The following KCNQ3 variants were observed in gnomAD, a reference collection of about 807,000 sequenced individuals.
KCNQ3 encodes potassium voltage-gated channel subfamily Q member 3, also known as potassium voltage-gated channel subfamily KQT member 3.
Under a neutral mutation model 92.5 loss-of-function variants are expected in KCNQ3, and 30 were observed. The observed-to-expected ratio is 0.32, with a 90% CI of 0.24 to 0.44. The LOEUF (loss-of-function observed/expected upper bound fraction) is 0.44, where lower values mean the gene tolerates loss of function less well. Among genes scored for constraint, KCNQ3 ranks in the 20% least tolerant of loss-of-function variants. The pLI is 1.00. For synonymous variants in KCNQ3, 450 were observed against 468.8 expected (o/e 0.96, Z 0.52); for missense variants, 913 against 1,140.3 (o/e 0.80, Z 2.87).
intron 1 of KCNQ3, among the ~76,000 whole-genome samples, chr8:132,238,724 A>C (rs1293514201): frequency 6.6e-6 from 1 of 152,184 alleles, no homozygotes; most frequent in African/African-American, 2.4e-5. Flanking sequence ...TACTCTAAGC[A>C]TGATGAATGA....
At chr8:132,258,483 T>C (rs1044420852) in intron 1 of KCNQ3, among the ~76,000 whole-genome samples, 2 of 151,790 alleles carry the variant, frequency 1.3e-5, no homozygotes, top group African/African-American at 4.8e-5. Flanking sequence ...GCACAACATA[T>C]CAAAACTTAT....
Position 132,172,706 on chromosome 8 carries a change from G to A in KCNQ3, c.1045-13C>T, listed in dbSNP as rs906229765. 6.3e-7 allele frequency: 1 copy of A among 1,595,280 alleles called. No homozygotes were observed. Among genetic ancestry groups the A allele is most frequent in the Non-Finnish European group, 8.6e-7 (1 of 1,164,552 alleles). On this transcript the variant is annotated splice_polypyrimidine_tract_variant and intron_variant, in intron 6 of 14. Coordinates refer to ENST00000388996, the MANE Select transcript of KCNQ3 (RefSeq NM_004519.4). ...ACCCCAGGATGCCCTGGAGGGAGAG[G>A]CAGGCAGGCAGTCAGCCCCCAGCTA...
At chr8:132,183,569 C>A (rs1228654743) in intron 3 of KCNQ3, among the ~76,000 whole-genome samples, 2 of 152,182 alleles carry the variant, frequency 1.3e-5, no homozygotes, top group African/African-American at 4.8e-5. Context: ...TTTTGTCCTG[C>A]AACTCCATGG....
chr8:132,254,266 A>AG lies in KCNQ3; in HGVS notation c.387-68086_387-68085insC, dbSNP rs370283856. On this transcript the variant is annotated intron_variant, in intron 1 of 14. Transcript: ENST00000388996. Reference sequence around the variant, plus strand: ...TTCTCCCTATAAACTGGTGATAGAGATAGATGTGCTCGACTTTACACAAAT... The same window carrying AG: ...TTCTCCCTATAAACTGGTGATAGAGAGTAGATGTGCTCGACTTTACACAAAT... Among the ~76,000 whole-genome samples the AG allele has an allele frequency of 4.9e-3, 744 of 152,334 alleles. 7 individuals carry two copies. Among genetic ancestry groups the AG allele is most frequent in the African/African-American group, 0.017 (720 of 41,578 alleles).
chr8:132,248,180 T>C (rs1815250064), intron 1 of KCNQ3, among the ~76,000 whole-genome samples: 1 of 152,254 alleles, frequency 6.6e-6, no homozygotes, highest in African/African-American at 2.4e-5. Context: ...CCTAGCTCTC[T>C]CTTGGGTTTC....
At chr8:132,208,459 G>A (rs1813738127) in intron 1 of KCNQ3, among the ~76,000 whole-genome samples, 1 of 152,056 alleles carries the variant, frequency 6.6e-6, no homozygotes, top group Non-Finnish European at 1.5e-5. Flanking sequence ...CTGGTGTTGT[G>A]AGCCACATCC....
intron 1 of KCNQ3, among the ~76,000 whole-genome samples, chr8:132,239,252 G>C (rs1479448084): frequency 6.6e-6 from 1 of 152,110 alleles, no homozygotes; most frequent in African/African-American, 2.4e-5. Flanking sequence ...AATTTGATTC[G>C]ATGGGCTGAT....
intron 1 of KCNQ3, among the ~76,000 whole-genome samples, chr8:132,203,112 C>T (rs978736939): frequency 6.6e-5 from 10 of 152,164 alleles, no homozygotes; most frequent in Non-Finnish European, 1.5e-4. Context: ...GAGGGCCAAA[C>T]TCACTTTTAT....
intron 7 of KCNQ3, 67 bp from the exon 8 acceptor site, chr8:132,170,495 A>G: frequency 1.0e-6 from 1 of 960,126 alleles, no homozygotes; most frequent in Non-Finnish European, 1.7e-6. Context: ...AGACTCCCAC[A>G]CCAACAAAAC....
intron 9 of KCNQ3, among the ~76,000 whole-genome samples, chr8:132,144,190 C>T (rs568979562): frequency 5.3e-5 from 8 of 152,256 alleles, no homozygotes; most frequent in Admixed American, 3.9e-4. Flanking sequence ...TCACAGATGG[C>T]AGTTTAGATG....
intron 1 of KCNQ3, among the ~76,000 whole-genome samples, chr8:132,225,367 G>C (rs1323031053): frequency 6.6e-6 from 1 of 152,180 alleles, no homozygotes; most frequent in Non-Finnish European, 1.5e-5. Flanking sequence ...TTTTTAGGGA[G>C]TGAGAAGGAG....
chr8:132,371,092 T>G lies in KCNQ3; in HGVS notation c.386+109055A>C, dbSNP rs570284756. ...CTCTCTGATCACTCCCAGATACATT[T>G]GTTGTTGACTCCCAGGCACAAAAAG... On this transcript the variant is annotated intron_variant, in intron 1 of 14. Transcript: ENST00000388996. Among the ~76,000 whole-genome samples, 21 of 152,286 alleles carry G rather than the reference T, an allele frequency of 1.4e-4. 1 individual carries two copies. In the South Asian group the frequency reaches 4.4e-3, roughly 32 times the overall value.
chr8:132,135,045 G>A (rs1042111939), intron 12 of KCNQ3, among the ~76,000 whole-genome samples: 1 of 152,124 alleles, frequency 6.6e-6, no homozygotes, highest in Non-Finnish European at 1.5e-5. Context: ...AGGTAAACAT[G>A]TGTCATGGGG....
At chr8:132,380,445 C>T (rs909466210) in intron 1 of KCNQ3, among the ~76,000 whole-genome samples, 1 of 152,130 alleles carries the variant, frequency 6.6e-6, no homozygotes, top group Non-Finnish European at 1.5e-5. Flanking sequence ...CATCAGAAGC[C>T]GGATGAAGAA....
rs1190468863 is a variant in KCNQ3 at position 132,480,415 on chromosome 8, C to T, written c.118G>A (p.Glu40Lys). ...GGDAAAAGDEERKVGLAPGDV... is the reference protein window; with the variant it reads ...GGDAAAAGDEKRKVGLAPGDV... ...CCGGGCGCCAGCCCCACTTTCCGCT[C>T]CTCGTCGCCGGCCGCCGCCGCGTCC... The change falls in exon 1 of 15, where the codon GAG (glutamate) becomes AAG (lysine). Residue 40 changes from glutamate (E) to lysine (K), a missense_variant. Physicochemically the swap from Glu to Lys is moderately conservative, Grantham distance 56 (BLOSUM62 1). This residue lies in a region of KCNQ3 where 183 missense variants were observed against 167.7 expected (regional missense o/e 1.09). Transcript: ENST00000388996. 2.0e-6 allele frequency: 3 copies of T among 1,492,022 alleles called. No homozygotes were observed. Among genetic ancestry groups the T allele is most frequent in the Non-Finnish European group, 2.7e-6 (3 of 1,126,172 alleles). The allele number at this position is 1,492,022 out of a possible 1,614,324, so 92.4% of individuals were successfully genotyped here.
intron 1 of KCNQ3, among the ~76,000 whole-genome samples, chr8:132,354,339 A>C (rs1818956382): frequency 6.6e-6 from 1 of 152,240 alleles, no homozygotes; most frequent in Non-Finnish European, 1.5e-5. Context: ...ATTGCTATAT[A>C]GTGAGAACAA....
intron 1 of KCNQ3, among the ~76,000 whole-genome samples, chr8:132,342,069 T>C (rs959987454): frequency 5.9e-5 from 9 of 152,172 alleles, no homozygotes; most frequent in South Asian, 2.1e-4. Flanking sequence ...CCATCAATCA[T>C]TGCCCTGTCC....
intron 1 of KCNQ3, among the ~76,000 whole-genome samples, chr8:132,201,841 C>T (rs199507483): frequency 6.6e-6 from 1 of 152,162 alleles, no homozygotes; most frequent in African/African-American, 2.4e-5. Flanking sequence ...GGGCACTGCC[C>T]TAGCGAGGTC....
Position 132,202,655 on chromosome 8 carries a change from A to T in KCNQ3, c.387-16474T>A, listed in dbSNP as rs574549318. ...GTTTAGCCAAGTTCTTTGTCACTTT[A>T]TAACAAGGACTGCCTTTACTCTAGT... On this transcript the variant is annotated intron_variant, in intron 1 of 14. Transcript: ENST00000388996. Among the ~76,000 whole-genome samples the T allele has an allele frequency of 4.9e-4, 75 of 152,268 alleles. 1 individual carries two copies. The highest frequency in any genetic ancestry group is 1.8e-3 in the African/African-American group (73 of 41,564).
Sources: gnomAD v4.1 joint callset for allele counts (sites outside exome capture counted in the v4.1 genomes callset) on GRCh38, gnomAD v4.1.1 for gene constraint, gnomAD v4.1.1 regional missense constraint, MANE v1.5 for transcripts, NCBI Gene and HGNC (gene_info 2026-07-23, HGNC 2026-07-21) for gene names.